The following ATG4C variants were observed in gnomAD, a reference collection of about 807,000 sequenced individuals.
ATG4C encodes the protein autophagy related 4C cysteine peptidase.
ATG4C carries 56 observed loss-of-function variants against 57.6 expected under a neutral mutation model. The ratio of observed to expected loss-of-function variants is 0.97; its 90% CI spans 0.78 to 1.21. The LOEUF is 1.21. Among genes scored for constraint, ATG4C ranks in the 50% most tolerant of loss-of-function variants. The pLI is 0.00. For missense variants in ATG4C, 595 were observed against 529.8 expected (o/e 1.12, Z -1.21); for synonymous variants, 157 against 174.1 (o/e 0.90, Z 0.78).
rs1456724301 is a variant in ATG4C, at chr1:62,864,717, A to G, written c.*558A>G. 1 of 152,016 alleles carries G rather than the reference A, an allele frequency of 6.6e-6. No homozygotes were observed. Among genetic ancestry groups the G allele is most frequent in the East Asian group, 1.9e-4 (1 of 5,202 alleles). The allele number at this position is 152,016 out of a possible 1,614,324, so 9.4% of individuals were successfully genotyped here. A position where few individuals can be genotyped will look rare whatever the true frequency, so the allele number is the denominator to read the frequency against. Reference sequence around the variant, plus strand: ...AGTTAAAGTAATACTTAGCAATATGATTTTATAATGGCTCCTCATTATGCT... The same window carrying G: ...AGTTAAAGTAATACTTAGCAATATGGTTTTATAATGGCTCCTCATTATGCT... On this transcript the variant is annotated 3_prime_UTR_variant, in exon 11 of 11. Coordinates refer to ENST00000317868, the MANE Select transcript of ATG4C (RefSeq NM_032852.4).
rs1352125677 is a variant in ATG4C, at chr1:62,829,078, A to G, written c.835A>G (p.Met279Val). The G allele has an allele frequency of 4.3e-6, 7 of 1,612,702 alleles. No individual in the cohort carries two copies. The African/African-American group carries it at 6.7e-5, about 15-fold the overall frequency. Reference sequence around the variant, plus strand: ...TGTAATTGATAAACAGAGTGCTTCCATGACTTCTGATAATGCAGATGACAA... The same window carrying G: ...TGTAATTGATAAACAGAGTGCTTCCGTGACTTCTGATAATGCAGATGACAA... ...SDVIDKQSAS[M>V]TSDNADDKAV... Residue 279 changes from methionine to valine, a missense_variant, in exon 7 of 11, where the codon ATG (methionine) becomes GTG (valine). Met to Val is a conservative substitution (Grantham distance 21). Coordinates refer to ENST00000317868, the MANE Select transcript of ATG4C (RefSeq NM_032852.4).
intron 10 of ATG4C, among the ~76,000 whole-genome samples, chr1:62,844,895 C>T (rs566025554): frequency 5.3e-5 from 8 of 151,794 alleles, no homozygotes; most frequent in Admixed American, 2.0e-4. Context: ...TCTATGTAAC[C>T]GTACATGTTG....
At chr1:62,812,706 G>T (rs1437114873) in intron 3 of ATG4C, among the ~76,000 whole-genome samples, 1 of 152,188 alleles carries the variant, frequency 6.6e-6, no homozygotes, top group African/African-American at 2.4e-5. Flanking sequence ...TGACATGATT[G>T]TATATTTAGA....
At chr1:62,805,479 G>T (rs947372638) in intron 3 of ATG4C, among the ~76,000 whole-genome samples, 1 of 151,934 alleles carries the variant, frequency 6.6e-6, no homozygotes, top group Non-Finnish European at 1.5e-5. Context: ...TGGACTTATA[G>T]TATGAGTACT....
chr1:62,826,878 T>A (rs1665679366), intron 6 of ATG4C, among the ~76,000 whole-genome samples: 1 of 151,960 alleles, frequency 6.6e-6, no homozygotes, highest in Non-Finnish European at 1.5e-5. Context: ...TTGCTCATAA[T>A]GGAAAGCCAC....
Position 62,863,914 on chromosome 1 carries a change from A to G in ATG4C, c.1210-78A>G, listed in dbSNP as rs1666926054. ...AAGCTAACAGGAGAGGTTCAGGGCT[A>G]AAACAGTAGATTTGTCGTGTGGTCT... On this transcript the variant is annotated intron_variant, in intron 10 of 10. Transcript: ENST00000317868. The G allele has an allele frequency of 4.7e-6, 5 of 1,055,996 alleles. No individual in the cohort carries two copies. The East Asian group carries it at 7.7e-5, about 16-fold the overall frequency. 65.4% of individuals were successfully genotyped at this position (1,055,996 alleles called of 1,614,324 possible). A position where few individuals can be genotyped will look rare whatever the true frequency, so the allele number is the denominator to read the frequency against.
chr1:62,819,210 C>T lies in ATG4C; in HGVS notation c.600C>T (p.Ile200=), dbSNP rs752726160. The change falls in exon 5 of 11, where the codon ATC becomes ATT. Residue 200 remains isoleucine (I), a synonymous_variant. Transcript: ENST00000317868. ...EMRNEVYHRK[I]ISWFGDSPLA... is the part of the protein sequence containing the mutation. ...GAAATGAAGTTTATCATAGGAAAATCATCTCTTGGTTTGGTGATTCCCCCT... is the reference window on the plus strand; with the variant it reads ...GAAATGAAGTTTATCATAGGAAAATTATCTCTTGGTTTGGTGATTCCCCCT... The T allele has an allele frequency of 1.9e-6, 3 of 1,613,530 alleles. No homozygotes were observed. Among genetic ancestry groups the T allele is most frequent in the South Asian group, 1.1e-5 (1 of 91,034 alleles).
rs1372453688 is a variant in ATG4C, at chr1:62,864,226, A to G, written c.*67A>G. The G allele has an allele frequency of 7.8e-7, 1 of 1,274,600 alleles. No individual in the cohort carries two copies. Among genetic ancestry groups the G allele is most frequent in the Non-Finnish European group, 1.1e-6 (1 of 923,940 alleles). 79.0% of individuals were successfully genotyped at this position (1,274,600 alleles called of 1,614,324 possible). The stretch of plus-strand genomic sequence containing the variant: ...AGGGGAAAAATGAAGAGAAACAAGT[A>G]TATCTGAAATGTTTATTTTCACAAA... On this transcript the variant is annotated 3_prime_UTR_variant, in exon 11 of 11. Transcript: ENST00000317868.
chr1:62,796,157 AT>A (rs566391318), intron 1 of ATG4C, among the ~76,000 whole-genome samples: 3,962 of 101,268 alleles, frequency 0.039, 188 homozygotes, highest in African/African-American at 0.13. Flanking sequence ...ATGCATTTTA[AT>A]TTTTTTTTTT....
chr1:62,865,276 A>T lies in ATG4C; in HGVS notation c.*1117A>T, dbSNP rs1558001152. On this transcript the variant is annotated 3_prime_UTR_variant, in exon 11 of 11. Transcript: ENST00000317868. ...ATATATTGCTCTGAAAACAATATTA[A>T]TTTTTTTAAGTGGAGCTTTCATGTT... 2 of 151,852 alleles carry T rather than the reference A, an allele frequency of 1.3e-5. No individual in the cohort carries two copies. The highest frequency in any genetic ancestry group is 1.9e-4 in the East Asian group (1 of 5,198). 9.4% of individuals were successfully genotyped at this position (151,852 alleles called of 1,614,324 possible).
chr1:62,789,669 G>T (rs1402425346), intron 1 of ATG4C, among the ~76,000 whole-genome samples: 1 of 151,900 alleles, frequency 6.6e-6, no homozygotes, highest in African/African-American at 2.4e-5. Context: ...AAAAACAAAT[G>T]AGCCGGGCGT....
intron 10 of ATG4C, among the ~76,000 whole-genome samples, chr1:62,845,441 T>C (rs1666298408): frequency 6.6e-6 from 1 of 152,158 alleles, no homozygotes. Flanking sequence ...TAGGGCTATT[T>C]GATATGAAGG....
At chr1:62,789,690 G>A (rs1664206172) in intron 1 of ATG4C, among the ~76,000 whole-genome samples, 1 of 151,996 alleles carries the variant, frequency 6.6e-6, no homozygotes, top group Admixed American at 6.6e-5. Flanking sequence ...GGTGGCGGGC[G>A]CCTGTAGTCC....
intron 10 of ATG4C, among the ~76,000 whole-genome samples, chr1:62,853,228 AT>A (rs993734233): frequency 3.3e-5 from 5 of 150,654 alleles, no homozygotes; most frequent in African/African-American, 7.3e-5. Flanking sequence ...GCCAAATGAA[AT>A]TTTTTTTTTC....
chr1:62,784,785 A>G (rs1019300858), intron 1 of ATG4C, among the ~76,000 whole-genome samples: 4 of 152,254 alleles, frequency 2.6e-5, no homozygotes, highest in African/African-American at 9.6e-5. Context: ...CCATCTAAAT[A>G]TTAACGTTCA....
At chr1:62,795,514 G>T (rs1664433533) in intron 1 of ATG4C, among the ~76,000 whole-genome samples, 1 of 152,140 alleles carries the variant, frequency 6.6e-6, no homozygotes, top group South Asian at 2.1e-4. Context: ...TGTTTACTGA[G>T]ATAGGATAAA....
chr1:62,847,829 G>T (rs1666375115), intron 10 of ATG4C, among the ~76,000 whole-genome samples: 1 of 152,168 alleles, frequency 6.6e-6, no homozygotes, highest in South Asian at 2.1e-4. Context: ...TGGTCCGGGA[G>T]AGTTGAGAGT....
At chr1:62,848,264 A>G (rs1666389257) in intron 10 of ATG4C, among the ~76,000 whole-genome samples, 1 of 152,138 alleles carries the variant, frequency 6.6e-6, no homozygotes, top group South Asian at 2.1e-4. Flanking sequence ...TCTCTTAGTA[A>G]TATTTCTTAC....
chr1:62,829,460 A>G (rs1401692314), intron 7 of ATG4C, among the ~76,000 whole-genome samples: 2 of 152,082 alleles, frequency 1.3e-5, no homozygotes, highest in Non-Finnish European at 2.9e-5. Context: ...TTACAGTTTC[A>G]TTATTCTTAT....
Sources: gnomAD v4.1 joint callset for allele counts (sites outside exome capture counted in the v4.1 genomes callset) on GRCh38, gnomAD v4.1.1 for gene constraint, MANE v1.5 for transcripts, NCBI Gene and HGNC (gene_info 2026-07-23, HGNC 2026-07-21) for gene names.